The following ANK2 variants were observed in gnomAD, a reference collection of about 807,000 sequenced individuals.
ANK2 encodes the protein ankyrin 2.
ANK2 carries 83 observed loss-of-function variants against 360.5 expected under a neutral mutation model. The observed-to-expected ratio is 0.23, with a 90% CI of 0.19 to 0.28. ANK2 has a LOEUF of 0.28. Among genes scored for constraint, ANK2 ranks in the 10% least tolerant of loss-of-function variants. The probability of loss-of-function intolerance (pLI) is 1.00; values close to 1 mark genes in which losing one functional copy is unlikely to be tolerated. For synonymous variants in ANK2, 1,740 were observed against 1,759.5 expected, an observed-to-expected ratio of 0.99 and a Z score of 0.28; for missense variants, 4,201 against 4,795.7, an observed-to-expected ratio of 0.88 and a Z score of 3.66.
At chr4:113,037,297 C>T (rs904264103) in intron 2 of ANK2, among the ~76,000 whole-genome samples, 3 of 151,820 alleles carry the variant, frequency 2.0e-5, no homozygotes, top group Non-Finnish European at 4.4e-5. Flanking sequence ...ACTTAGATTT[C>T]TACAGTTTTA....
At chr4:113,245,200 AAAGACAAAATCAAGT>A (rs2042200295) in intron 9 of ANK2, among the ~76,000 whole-genome samples, 1 of 152,164 alleles carries the variant, frequency 6.6e-6, no homozygotes, top group South Asian at 2.1e-4. Flanking sequence ...CCCTCTTACT[AAAGACAAAATCAAGT>A]AGGAGGTAAA....
chr4:112,865,397 T>C (rs1490218651), intron 1 of ANK2, among the ~76,000 whole-genome samples: 16 of 152,224 alleles, frequency 1.1e-4, no homozygotes, highest in Admixed American at 1.0e-3. Context: ...TCAATGATAA[T>C]GTTTATGGTT....
intron 17 of ANK2, 139 bp from the exon 18 acceptor site, chr4:113,282,536 T>A (rs2062812708): frequency 2.4e-6 from 2 of 827,638 alleles, no homozygotes; most frequent in Non-Finnish European, 3.9e-6. Flanking sequence ...GGAAACGTGA[T>A]GAGTAAGAGT....
intron 2 of ANK2, among the ~76,000 whole-genome samples, chr4:113,028,279 G>A (rs984843365): frequency 4.6e-5 from 7 of 152,094 alleles, no homozygotes; most frequent in African/African-American, 1.2e-4. Context: ...TGGGGGAGGT[G>A]TAGAAGGTAG....
intron 4 of ANK2, among the ~76,000 whole-genome samples, chr4:113,217,674 A>G (rs1391802119): frequency 2.0e-5 from 3 of 152,116 alleles, no homozygotes; most frequent in African/African-American, 7.2e-5. Context: ...CTGATCTGAC[A>G]GGAGGTGGAG....
At chr4:113,234,109 G>A (rs568042769) in intron 5 of ANK2, among the ~76,000 whole-genome samples, 25 of 152,300 alleles carry the variant, frequency 1.6e-4, no homozygotes, top group Non-Finnish European at 2.9e-4. Context: ...TTACCAAATA[G>A]ACTTAAGGTT....
chr4:112,708,831 T>C, the ANK2 span, among the ~76,000 whole-genome samples: 2 of 152,204 alleles, frequency 1.3e-5, no homozygotes, highest in African/African-American at 4.8e-5. Context: ...TTCGTTTGCA[T>C]TTATTTGCTA....
intron 2 of ANK2, among the ~76,000 whole-genome samples, chr4:113,186,224 T>C (rs185657826): frequency 2.8e-4 from 43 of 152,346 alleles, no homozygotes; most frequent in Non-Finnish European, 2.9e-5. Flanking sequence ...GAATCTTTGC[T>C]GTTCTGCAGC....
At chr4:113,085,853 G>A (rs1461826688) in intron 1 of ANK2, among the ~76,000 whole-genome samples, 1 of 152,010 alleles carries the variant, frequency 6.6e-6, no homozygotes, top group African/African-American at 2.4e-5. Flanking sequence ...AGTGTTTTTA[G>A]AGAACCTTTA....
At chr4:113,235,778 G>A (rs1041936105) in intron 5 of ANK2, among the ~76,000 whole-genome samples, 2 of 145,878 alleles carry the variant, frequency 1.4e-5, no homozygotes, top group African/African-American at 5.1e-5. Flanking sequence ...GTCTTGTGCT[G>A]TCACCCAGGC....
At chr4:112,885,657 C>T (rs2078112771) in intron 1 of ANK2, among the ~76,000 whole-genome samples, 1 of 151,224 alleles carries the variant, frequency 6.6e-6, no homozygotes, top group Non-Finnish European at 1.5e-5. Context: ...ATTAGCCGGG[C>T]GTGGTGGCGG....
intron 1 of ANK2, among the ~76,000 whole-genome samples, chr4:113,128,108 G>T (rs990815404): frequency 3.3e-5 from 5 of 152,116 alleles, no homozygotes; most frequent in African/African-American, 9.7e-5. Context: ...TTCATTAATT[G>T]CAGAGACTTT....
At chr4:113,303,343 AG>A (rs2075839894) in intron 23 of ANK2, among the ~76,000 whole-genome samples, 1 of 152,358 alleles carries the variant, frequency 6.6e-6, no homozygotes, top group Admixed American at 6.5e-5. Flanking sequence ...GTTTAAAAAT[AG>A]TACAGCAGGA....
At chr4:112,829,426 C>A (rs924883198) in intron 1 of ANK2, among the ~76,000 whole-genome samples, 12 of 135,942 alleles carry the variant, frequency 8.8e-5, no homozygotes, top group African/African-American at 3.5e-4. Context: ...GAGGCGAAGG[C>A]AGAAGGATTG....
intron 1 of ANK2, among the ~76,000 whole-genome samples, chr4:112,833,233 G>A (rs1300394239): frequency 6.6e-6 from 1 of 152,224 alleles, no homozygotes; most frequent in African/African-American, 2.4e-5. Flanking sequence ...GAGGTAGTGG[G>A]TAAGGGGAGG....
intron 1 of ANK2, among the ~76,000 whole-genome samples, chr4:112,833,312 A>C (rs986906650): frequency 2.2e-4 from 33 of 152,348 alleles, no homozygotes; most frequent in African/African-American, 7.7e-4. Flanking sequence ...AGAATATTGG[A>C]TTGAACAGAC....
chr4:113,271,113 TCTC>T (rs1403321843), intron 14 of ANK2, among the ~76,000 whole-genome samples: 6 of 152,294 alleles, frequency 3.9e-5, no homozygotes, highest in African/African-American at 1.4e-4. Flanking sequence ...TCCGCATCTT[TCTC>T]CTAACTCTTT....
the ANK2 span, among the ~76,000 whole-genome samples, chr4:112,735,644 G>A: frequency 6.6e-6 from 1 of 152,094 alleles, no homozygotes; most frequent in Non-Finnish European, 1.5e-5. Context: ...ATTACCCTCT[G>A]TACCATTCAT....
intron 14 of ANK2, among the ~76,000 whole-genome samples, chr4:113,272,841 G>C (rs1372349246): frequency 6.6e-6 from 1 of 152,052 alleles, no homozygotes; most frequent in Non-Finnish European, 1.5e-5. Flanking sequence ...AAATTTTGCA[G>C]GACAGAGATC....
Sources: gnomAD v4.1 joint callset for allele counts (sites outside exome capture counted in the v4.1 genomes callset) on GRCh38, gnomAD v4.1.1 for gene constraint, MANE v1.5 for transcripts, NCBI Gene and HGNC (gene_info 2026-07-23, HGNC 2026-07-21) for gene names.